Variants in ANKS1A observed in about 807,000 individuals in gnomAD.
The protein encoded by ANKS1A is ankyrin repeat and sterile alpha motif domain containing 1A, also known as ankyrin repeat and SAM domain-containing protein 1A.
A neutral mutation model predicts 120.3 loss-of-function variants in ANKS1A; 55 were observed. That is an observed-to-expected ratio of 0.46 (90% CI 0.37 to 0.57). The LOEUF is 0.57. Among genes scored for constraint, ANKS1A ranks in the 20% least tolerant of loss-of-function variants. The pLI is 0.00. For missense variants in ANKS1A, 1,123 were observed against 1,480.3 expected (o/e 0.76, Z 3.96); for synonymous variants, 590 against 604.7 (o/e 0.98, Z 0.36).
the ANKS1A span, among the ~76,000 whole-genome samples, chr6:35,097,112 C>T: frequency 2.0e-5 from 3 of 152,130 alleles, no homozygotes; most frequent in African/African-American, 7.2e-5. Context: ...AGCCAACAAC[C>T]TAGACACCTT....
intron 1 of ANKS1A, among the ~76,000 whole-genome samples, chr6:34,923,563 T>C (rs887360032): frequency 5.9e-5 from 9 of 152,200 alleles, no homozygotes; most frequent in African/African-American, 1.9e-4. Context: ...CCCTGGGAAG[T>C]AGGTAACCAG....
chr6:35,054,203 G>A (rs369813615), intron 12 of ANKS1A, 38 bp downstream of exon 12: 3 of 1,597,570 alleles, frequency 1.9e-6, no homozygotes, highest in South Asian at 2.2e-5. Flanking sequence ...ACAGAAACTG[G>A]CAGTCTGGCT....
At chr6:35,072,511 T>C (rs1777133766) in intron 13 of ANKS1A, among the ~76,000 whole-genome samples, 1 of 152,358 alleles carries the variant, frequency 6.6e-6, no homozygotes, top group South Asian at 2.1e-4. Context: ...AGCCCCTTAC[T>C]GAACTCCAAT....
chr6:35,011,862 G>C (rs1375841463), intron 10 of ANKS1A, among the ~76,000 whole-genome samples: 1 of 152,182 alleles, frequency 6.6e-6, no homozygotes, highest in Non-Finnish European at 1.5e-5. Context: ...CCACGGGCCA[G>C]CTGCCATGCT....
At chr6:34,895,237 G>A (rs1248586207) in intron 1 of ANKS1A, among the ~76,000 whole-genome samples, 1 of 149,514 alleles carries the variant, frequency 6.7e-6, no homozygotes, top group Non-Finnish European at 1.5e-5. Flanking sequence ...TTAAGAGACA[G>A]GAGTCTTGCT....
At position 35,039,824 on chromosome 6, in the gene ANKS1A, A is replaced by G. The variant is rs573045383; in HGVS notation, c.2011-14275A>G. ...GCTCAGGCTTCTGTAACAAAATACCATAGATTGAGTGGCTTAAACAACAGA... is the reference window on the plus strand; with the variant it reads ...GCTCAGGCTTCTGTAACAAAATACCGTAGATTGAGTGGCTTAAACAACAGA... On this transcript the variant is annotated intron_variant, in intron 11 of 23. Coordinates refer to ENST00000360359, the MANE Select transcript of ANKS1A (RefSeq NM_015245.3). 4.3e-5 allele frequency: 13 copies of G among 304,354 alleles called. No individual in the cohort carries two copies. In the East Asian group the frequency reaches 1.0e-3, roughly 24 times the overall value. The allele number at this position is 304,354 out of a possible 1,614,324, so 18.9% of individuals were successfully genotyped here. A position where few individuals can be genotyped will look rare whatever the true frequency, so the allele number is the denominator to read the frequency against.
downstream of ANKS1A, among the ~76,000 whole-genome samples, chr6:35,092,301 G>T (rs1223899963): frequency 2.0e-5 from 3 of 152,070 alleles, no homozygotes; most frequent in African/African-American, 7.2e-5. Flanking sequence ...TTCTTAAAAG[G>T]GCCTTAAAAA....
At chr6:34,946,103 C>T (rs1200130272) in intron 1 of ANKS1A, among the ~76,000 whole-genome samples, 1 of 151,658 alleles carries the variant, frequency 6.6e-6, no homozygotes, top group East Asian at 2.0e-4. Context: ...GCCTCAGCCT[C>T]CTGAGTAGCT....
At chr6:34,895,188 G>A (rs1156419999) in intron 1 of ANKS1A, among the ~76,000 whole-genome samples, 1 of 132,294 alleles carries the variant, frequency 7.6e-6, no homozygotes, top group East Asian at 2.2e-4. Flanking sequence ...TTTATTTAAG[G>A]ACTTTGGTTT....
At chr6:35,027,104 C>T (rs1165203059) in intron 11 of ANKS1A, among the ~76,000 whole-genome samples, 1 of 152,050 alleles carries the variant, frequency 6.6e-6, no homozygotes, top group African/African-American at 2.4e-5. Flanking sequence ...ACCAGGATCA[C>T]GAAGCAAAGG....
rs537155057 is a variant in ANKS1A at position 35,090,083 on chromosome 6, G to A, written c.*1474G>A. 3.7e-5 allele frequency: 48 copies of A among 1,284,548 alleles called. No individual in the cohort carries two copies. Among genetic ancestry groups the A allele is most frequent in the Non-Finnish European group, 4.7e-5 (46 of 985,842 alleles). The allele number at this position is 1,284,548 out of a possible 1,614,324, so 79.6% of individuals were successfully genotyped here. A position where few individuals can be genotyped will look rare whatever the true frequency, so the allele number is the denominator to read the frequency against. On this transcript the variant is annotated 3_prime_UTR_variant, in exon 24 of 24. Coordinates refer to ENST00000360359, the MANE Select transcript of ANKS1A (RefSeq NM_015245.3). ...TCTGACTGGCTAGAGGCCAGGCCTT[G>A]TGGGTTTCTATCTGCTAAGCACCCA...
chr6:34,978,631 C>T lies in ANKS1A; in HGVS notation c.436-3059C>T, dbSNP rs139861842. On this transcript the variant is annotated intron_variant, in intron 3 of 23. Coordinates refer to ENST00000360359, the MANE Select transcript of ANKS1A (RefSeq NM_015245.3). ...GAACAGCCTGACCAACATAGAGAAA[C>T]CCCGTCTCTACTAAAAATACAAAAT... Among the ~76,000 whole-genome samples, 1,116 of 151,958 alleles carry T rather than the reference C, an allele frequency of 7.3e-3. 21 individuals are homozygous for T. The highest frequency in any genetic ancestry group is 0.026 in the African/African-American group (1,061 of 41,488).
At chr6:35,040,242 T>C (rs774467863) in intron 11 of ANKS1A, among the ~76,000 whole-genome samples, 3 of 152,236 alleles carry the variant, frequency 2.0e-5, no homozygotes, top group Admixed American at 6.5e-5. Context: ...TTGCTAGCCT[T>C]GTTACCTTGG....
chr6:34,909,617 A>G (rs1215067969), intron 1 of ANKS1A, among the ~76,000 whole-genome samples: 3 of 152,218 alleles, frequency 2.0e-5, no homozygotes, highest in Admixed American at 6.5e-5. Context: ...GTGCTGGCCA[A>G]CGGAGTTATA....
Position 35,084,024 on chromosome 6 carries a change from T to G in ANKS1A, c.2995-97T>G. ...GGGGGGTTTGCTTGATGCTCTAGGC[T>G]GGGACAGAGAACAGTGACAATGGTA... On this transcript the variant is annotated intron_variant, in intron 20 of 23. Transcript: ENST00000360359. The surrounding 1 kb of genome is among the most constrained non-coding windows in gnomAD (Gnocchi z 4.8). The G allele has an allele frequency of 6.5e-7, 1 of 1,543,998 alleles. No individual in the cohort carries two copies. The highest frequency in any genetic ancestry group is 8.8e-7 in the Non-Finnish European group (1 of 1,133,706).
intron 1 of ANKS1A, among the ~76,000 whole-genome samples, chr6:34,904,775 G>A (rs952604111): frequency 6.6e-6 from 1 of 152,088 alleles, no homozygotes; most frequent in Non-Finnish European, 1.5e-5. Flanking sequence ...TGCTCAAGGT[G>A]ACATCTGATT....
At chr6:34,953,082 C>T (rs1032909799) in intron 1 of ANKS1A, among the ~76,000 whole-genome samples, 10 of 152,160 alleles carry the variant, frequency 6.6e-5, no homozygotes, top group African/African-American at 1.4e-4. Context: ...TAGGTCTCCT[C>T]ATGCCTTTAG....
intron 1 of ANKS1A, among the ~76,000 whole-genome samples, chr6:34,899,606 C>G (rs552268434): frequency 1.2e-4 from 19 of 152,192 alleles, no homozygotes; most frequent in Non-Finnish European, 2.5e-4. Flanking sequence ...ATAGTTGAGA[C>G]CTATTTACAA....
chr6:35,084,332 A>G lies in ANKS1A; in HGVS notation c.3132+74A>G, dbSNP rs1294246641. The G allele has an allele frequency of 1.3e-6, 2 of 1,571,736 alleles. No individual in the cohort carries two copies. Among genetic ancestry groups the G allele is most frequent in the Non-Finnish European group, 1.7e-6 (2 of 1,159,898 alleles). On this transcript the variant is annotated intron_variant, in intron 21 of 23. Coordinates refer to ENST00000360359, the MANE Select transcript of ANKS1A (RefSeq NM_015245.3). The surrounding 1 kb of genome is among the most constrained non-coding windows in gnomAD (Gnocchi z 4.8). ...GAGGCGTCCAGCCCCATTGCAGGGC[A>G]CAGATGCGGCGCTGTCCTGGCCCCT...
Sources: allele counts gnomAD v4.1 joint callset (sites outside exome capture counted in the v4.1 genomes callset), GRCh38; gene constraint gnomAD v4.1.1; non-coding constraint Gnocchi (gnomAD v3.1); transcripts MANE v1.5; gene names NCBI Gene and HGNC (gene_info 2026-07-23, HGNC 2026-07-21).